Variants in SLC23A2 observed in about 807,000 individuals in gnomAD.
SLC23A2 encodes the protein solute carrier family 23 member 2.
Under a neutral mutation model 73.3 loss-of-function variants are expected in SLC23A2, and 36 were observed. The ratio of observed to expected loss-of-function variants is 0.49; its 90% CI spans 0.38 to 0.65. SLC23A2 has a LOEUF of 0.65. SLC23A2 is among the 30% of genes least tolerant of loss of function. The pLI is 0.00. For missense variants in SLC23A2, 507 were observed against 841.6 expected (o/e 0.60, Z 4.92); for synonymous variants, 343 against 327.3 (o/e 1.05, Z -0.52).
rs1206634190 is a variant in SLC23A2 at position 4,883,973 on chromosome 20, C to T, written c.643-150G>A. The T allele has an allele frequency of 8.7e-6, 5 of 576,514 alleles. No homozygotes were observed. The highest frequency in any genetic ancestry group is 1.5e-5 in the Non-Finnish European group (5 of 344,536). 35.7% of individuals were successfully genotyped at this position (576,514 alleles called of 1,614,324 possible). ...GAGATAGCTAGAAAATTCCCCAGGACCCGACAAGAAACTTCAGGGGGCACT... is the reference window on the plus strand; with the variant it reads ...GAGATAGCTAGAAAATTCCCCAGGATCCGACAAGAAACTTCAGGGGGCACT... On this transcript the variant is annotated intron_variant, in intron 8 of 16. Coordinates refer to ENST00000338244, the MANE Select transcript of SLC23A2 (RefSeq NM_005116.6). This position sits in a 1 kb window ranked among gnomAD's most constrained non-coding sequence, Gnocchi z 4.5.
chr20:4,987,356 G>T (rs2681118), intron 1 of SLC23A2, among the ~76,000 whole-genome samples: 125,835 of 152,094 alleles, frequency 0.83, 52,146 homozygotes, highest in East Asian at 0.98. Context: ...TCCAACAGCC[G>T]GGGCTAAAAC....
intron 2 of SLC23A2, among the ~76,000 whole-genome samples, chr20:4,953,618 G>GT (rs1453266959): frequency 1.3e-5 from 2 of 152,184 alleles, no homozygotes; most frequent in African/African-American, 4.8e-5. Flanking sequence ...GCCGGATGCA[G>GT]TGGCTCACGT....
At chr20:4,875,710 T>A (rs1271111723) in intron 9 of SLC23A2, among the ~76,000 whole-genome samples, 2 of 152,062 alleles carry the variant, frequency 1.3e-5, no homozygotes, top group South Asian at 2.1e-4. Context: ...CCACTTCCCA[T>A]CCCCCAGGTG....
chr20:4,860,537 G>A (rs1479118291), intron 15 of SLC23A2, among the ~76,000 whole-genome samples: 1 of 152,184 alleles, frequency 6.6e-6, no homozygotes, highest in African/African-American at 2.4e-5. Flanking sequence ...TGGCATTGCT[G>A]ACTGTCTTTC....
intron 1 of SLC23A2, among the ~76,000 whole-genome samples, chr20:4,992,159 A>C (rs2087936439): frequency 6.6e-6 from 1 of 152,162 alleles, no homozygotes. Context: ...ACTGGAGTAA[A>C]AACTGAGCAT....
intron 11 of SLC23A2, 95 bp from the exon 12 acceptor site, chr20:4,870,148 T>C: frequency 9.9e-7 from 1 of 1,013,692 alleles, no homozygotes; most frequent in Non-Finnish European, 1.4e-6. Flanking sequence ...TGCAAGACTC[T>C]ACAAGATCCA....
At chr20:4,963,848 A>G (rs1056371778) in intron 2 of SLC23A2, among the ~76,000 whole-genome samples, 1 of 152,108 alleles carries the variant, frequency 6.6e-6, no homozygotes, top group Non-Finnish European at 1.5e-5. Context: ...ACTCTGTCTC[A>G]AAAAAAGCAA....
chr20:4,997,864 C>A (rs1174750914), intron 1 of SLC23A2, among the ~76,000 whole-genome samples: 1 of 151,994 alleles, frequency 6.6e-6, no homozygotes, highest in Non-Finnish European at 1.5e-5. Context: ...TCAAGTGATC[C>A]TCCTGCCTCA....
At chr20:4,996,473 G>A (rs2088021825) in intron 1 of SLC23A2, among the ~76,000 whole-genome samples, 1 of 151,988 alleles carries the variant, frequency 6.6e-6, no homozygotes, top group Non-Finnish European at 1.5e-5. Flanking sequence ...GGATCACGAG[G>A]TCAGGAGTTT....
chr20:4,874,452 C>G (rs1930576795), intron 10 of SLC23A2, 124 bp downstream of exon 10: 2 of 850,482 alleles, frequency 2.4e-6, no homozygotes, highest in African/African-American at 3.4e-5. Flanking sequence ...TCATTAGTAG[C>G]CTGGTCTCAC....
intron 13 of SLC23A2, 142 bp downstream of exon 13, chr20:4,867,625 TAAA>T (rs11476144): frequency 0.025 from 7,268 of 292,790 alleles, no homozygotes; most frequent in South Asian, 0.035. Context: ...TATAAACACT[TAAA>T]AAAAAAAAAA....
intron 1 of SLC23A2, among the ~76,000 whole-genome samples, chr20:4,976,044 G>A (rs987782794): frequency 2.0e-5 from 3 of 151,030 alleles, no homozygotes; most frequent in East Asian, 2.0e-4. Flanking sequence ...TAGTAGAGAC[G>A]GGGTTTCACC....
rs2087129959 is a variant in SLC23A2 at position 4,947,118 on chromosome 20, C to A, written c.-154-14402G>T. 1.3e-5 allele frequency among the ~76,000 whole-genome samples: 2 copies of A among 152,152 alleles called. No individual in the cohort carries two copies. Among genetic ancestry groups the A allele is most frequent in the African/African-American group, 4.8e-5 (2 of 41,432 alleles). On this transcript the variant is annotated intron_variant, in intron 2 of 16. Coordinates refer to ENST00000338244, the MANE Select transcript of SLC23A2 (RefSeq NM_005116.6). This position sits in a 1 kb window ranked among gnomAD's most constrained non-coding sequence, Gnocchi z 4.4. ...AGACCTCCTCCTCCAGGGAGCACTCCTGGGTCAGCTGTCCGTCTTCTGTGT... is the reference window on the plus strand; with the variant it reads ...AGACCTCCTCCTCCAGGGAGCACTCATGGGTCAGCTGTCCGTCTTCTGTGT...
chr20:4,955,574 A>G (rs913904922), intron 2 of SLC23A2, among the ~76,000 whole-genome samples: 5 of 151,946 alleles, frequency 3.3e-5, no homozygotes. Context: ...GTAACACTTG[A>G]CCTCAGGGGC....
At chr20:4,910,242 T>C (rs1018584520) in intron 4 of SLC23A2, among the ~76,000 whole-genome samples, 2 of 152,036 alleles carry the variant, frequency 1.3e-5, no homozygotes, top group African/African-American at 2.4e-5. Context: ...CCTGGTATGA[T>C]GGCGTGCGCC....
intron 2 of SLC23A2, among the ~76,000 whole-genome samples, chr20:4,960,452 C>T (rs79937849): frequency 0.026 from 3,936 of 152,284 alleles, 57 homozygotes; most frequent in Middle Eastern, 0.051. Context: ...TCATTCTGTT[C>T]ATTATGCTAT....
At chr20:4,988,551 C>A (rs1414453916) in intron 1 of SLC23A2, among the ~76,000 whole-genome samples, 1 of 151,576 alleles carries the variant, frequency 6.6e-6, no homozygotes. Flanking sequence ...GCCTGGCCAA[C>A]ATAGTGAAAC....
chr20:4,915,777 A>G (rs1932299811), intron 3 of SLC23A2, among the ~76,000 whole-genome samples: 1 of 152,032 alleles, frequency 6.6e-6, no homozygotes, highest in Admixed American at 6.6e-5. Context: ...GCAAAACCCC[A>G]TCTCTACTAA....
At chr20:4,875,331 C>G (rs1220769746) in intron 9 of SLC23A2, among the ~76,000 whole-genome samples, 1 of 152,216 alleles carries the variant, frequency 6.6e-6, no homozygotes, top group East Asian at 1.9e-4. Flanking sequence ...TGGGAGGCTT[C>G]TGTGTGCCAG....
Sources: allele counts gnomAD v4.1 joint callset (sites outside exome capture counted in the v4.1 genomes callset), GRCh38; gene constraint gnomAD v4.1.1; non-coding constraint Gnocchi (gnomAD v3.1); transcripts MANE v1.5; gene names NCBI Gene and HGNC (gene_info 2026-07-23, HGNC 2026-07-21).